The following EBF1 variants were observed in gnomAD, a reference collection of about 807,000 sequenced individuals.
The protein encoded by EBF1 is EBF transcription factor 1, also known as transcription factor COE1.
A neutral mutation model predicts 68.4 loss-of-function variants in EBF1; 10 were observed. That is an observed-to-expected ratio of 0.15 (90% CI 0.09 to 0.25). EBF1 has a LOEUF of 0.25. Among genes scored for constraint, EBF1 ranks in the 10% least tolerant of loss-of-function variants. The pLI is 1.00. For synonymous variants in EBF1, 298 were observed against 299.8 expected (o/e 0.99, Z 0.06); for missense variants, 509 against 794.4 (o/e 0.64, Z 4.32).
intron 6 of EBF1, among the ~76,000 whole-genome samples, chr5:159,026,389 A>G (rs377136854): frequency 1.2e-4 from 18 of 152,292 alleles, no homozygotes; most frequent in East Asian, 7.7e-4. Context: ...TCAGTGTAAG[A>G]ACATTTAAGA....
intron 11 of EBF1, among the ~76,000 whole-genome samples, chr5:158,723,913 G>T (rs765569656): frequency 6.6e-6 from 1 of 152,086 alleles, no homozygotes; most frequent in African/African-American, 2.4e-5. Context: ...ATTTGTGTGT[G>T]CATGTTCATA....
intron 11 of EBF1, among the ~76,000 whole-genome samples, chr5:158,717,112 T>C (rs1760895964): frequency 6.6e-6 from 1 of 152,266 alleles, no homozygotes. Context: ...ACTTAAAGTA[T>C]ATAGAATGTT....
chr5:158,745,256 T>C (rs1767297137), intron 10 of EBF1, among the ~76,000 whole-genome samples: 1 of 152,166 alleles, frequency 6.6e-6, no homozygotes, highest in Non-Finnish European at 1.5e-5. Flanking sequence ...CAATCACATA[T>C]TTGTTGCTAT....
At chr5:158,802,272 G>A (rs1174671135) in intron 8 of EBF1, among the ~76,000 whole-genome samples, 1 of 152,100 alleles carries the variant, frequency 6.6e-6, no homozygotes, top group Non-Finnish European at 1.5e-5. Context: ...CAATCGATGT[G>A]ACATTATGAA....
chr5:158,939,625 G>A (rs1474256930), intron 6 of EBF1, among the ~76,000 whole-genome samples: 1 of 152,168 alleles, frequency 6.6e-6, no homozygotes, highest in Non-Finnish European at 1.5e-5. Flanking sequence ...ACTTTGCTCT[G>A]TGGTATGATT....
chr5:158,909,472 A>G (rs1222123591), intron 6 of EBF1, among the ~76,000 whole-genome samples: 6 of 152,206 alleles, frequency 3.9e-5, no homozygotes, highest in Admixed American at 3.3e-4. Context: ...TTGTGTCACC[A>G]TTAGGATCAT....
chr5:159,052,607 GTCCT>G (rs1773986375), intron 6 of EBF1, among the ~76,000 whole-genome samples: 1 of 152,144 alleles, frequency 6.6e-6, no homozygotes, highest in African/African-American at 2.4e-5. Flanking sequence ...CAGAGGAATT[GTCCT>G]GCCTAGGTCA....
At position 159,007,775 on chromosome 5, in the gene EBF1, AT is replaced by A. The variant is rs35070920; in HGVS notation, c.554+65620del. Among the ~76,000 whole-genome samples the A allele has an allele frequency of 4.4e-3, 661 of 150,236 alleles. 3 individuals are homozygous for A. Among genetic ancestry groups the A allele is most frequent in the African/African-American group, 0.013 (538 of 41,018 alleles). ...CCCTCCACCAAAATGCACAGTTCCAATTTTTTTTTTCAAAAATAGGAGTTCA... is the reference window on the plus strand; with the variant it reads ...CCCTCCACCAAAATGCACAGTTCCAATTTTTTTTTCAAAAATAGGAGTTCA... On this transcript the variant is annotated intron_variant, in intron 6 of 15. Coordinates refer to ENST00000313708, the MANE Select transcript of EBF1 (RefSeq NM_024007.5).
intron 6 of EBF1, among the ~76,000 whole-genome samples, chr5:159,009,923 G>A (rs1239292276): frequency 6.6e-6 from 1 of 152,122 alleles, no homozygotes; most frequent in African/African-American, 2.4e-5. Flanking sequence ...TTTTGAAAGT[G>A]CATCAGAACT....
chr5:158,943,154 G>T (rs1583353708), intron 6 of EBF1, among the ~76,000 whole-genome samples: 1 of 152,094 alleles, frequency 6.6e-6, no homozygotes, highest in Non-Finnish European at 1.5e-5. Context: ...GTCATCTGAC[G>T]AATTGAATCT....
chr5:158,977,559 A>G (rs1204340815), intron 6 of EBF1, among the ~76,000 whole-genome samples: 2 of 152,200 alleles, frequency 1.3e-5, no homozygotes, highest in East Asian at 1.9e-4. Context: ...GTAGCACAGG[A>G]AGAAAATTTA....
intron 4 of EBF1, among the ~76,000 whole-genome samples, chr5:159,089,274 A>G (rs1781215336): frequency 6.6e-6 from 1 of 152,196 alleles, no homozygotes; most frequent in African/African-American, 2.4e-5. Flanking sequence ...ACATCTCTGG[A>G]AATTTCACTG....
At chr5:159,039,483 C>G (rs1770762144) in intron 6 of EBF1, among the ~76,000 whole-genome samples, 1 of 152,194 alleles carries the variant, frequency 6.6e-6, no homozygotes. Flanking sequence ...CCTACAAATG[C>G]TGTGAAGCAG....
At chr5:158,856,148 TGATGGCTACCAGATGTCA>T (rs1451886670) in intron 6 of EBF1, among the ~76,000 whole-genome samples, 1 of 152,204 alleles carries the variant, frequency 6.6e-6, no homozygotes, top group Non-Finnish European at 1.5e-5. Context: ...GTTCTTCTGC[TGATGGCTACCAGATGTCA>T]GAGAGGGGCC....
At chr5:158,839,182 T>C (rs981340274) in intron 7 of EBF1, among the ~76,000 whole-genome samples, 3 of 152,208 alleles carry the variant, frequency 2.0e-5, no homozygotes, top group Admixed American at 6.5e-5. Context: ...ATTAAGGACA[T>C]TTCTGAAACA....
intron 6 of EBF1, among the ~76,000 whole-genome samples, chr5:158,889,386 C>G (rs1800705394): frequency 6.6e-6 from 1 of 152,124 alleles, no homozygotes; most frequent in African/African-American, 2.4e-5. Flanking sequence ...CTTTGTCATT[C>G]TACTTAGGTT....
intron 4 of EBF1, among the ~76,000 whole-genome samples, chr5:159,085,829 T>A (rs1313104954): frequency 6.6e-6 from 1 of 152,098 alleles, no homozygotes; most frequent in East Asian, 1.9e-4. Flanking sequence ...TAACTTGTAG[T>A]TGACTCTAAC....
intron 6 of EBF1, among the ~76,000 whole-genome samples, chr5:159,069,935 C>T (rs1777519950): frequency 6.6e-6 from 1 of 152,156 alleles, no homozygotes. Context: ...AATTTCTAAA[C>T]ATGAAGTTTA....
At chr5:158,969,749 T>C (rs1052083055) in intron 6 of EBF1, among the ~76,000 whole-genome samples, 1 of 149,238 alleles carries the variant, frequency 6.7e-6, no homozygotes, top group Non-Finnish European at 1.5e-5. Flanking sequence ...CATTCGAGCT[T>C]GGGTGATAGA....
Sources: gnomAD v4.1 joint callset for allele counts (sites outside exome capture counted in the v4.1 genomes callset) on GRCh38, gnomAD v4.1.1 for gene constraint, MANE v1.5 for transcripts, NCBI Gene and HGNC (gene_info 2026-07-23, HGNC 2026-07-21) for gene names.